The following MAST4 variants were observed in gnomAD, a reference collection of about 807,000 sequenced individuals.
MAST4 encodes the protein microtubule associated serine/threonine kinase family member 4.
In MAST4, 89 loss-of-function variants were observed where a neutral mutation model predicts 162.7. The ratio of observed to expected loss-of-function variants is 0.55; its 90% CI spans 0.46 to 0.65. MAST4 has a LOEUF of 0.65. Among genes scored for constraint, MAST4 ranks in the 30% least tolerant of loss-of-function variants. The pLI is 0.00. For missense variants in MAST4, 3,153 were observed against 3,374.0 expected (o/e 0.93, Z 1.62); for synonymous variants, 1,479 against 1,361.1 (o/e 1.09, Z -1.91).
At chr5:66,909,881 GTTC>G (rs1472345307) in intron 4 of MAST4, among the ~76,000 whole-genome samples, 4 of 152,184 alleles carry the variant, frequency 2.6e-5, no homozygotes, top group Non-Finnish European at 5.9e-5. Flanking sequence ...ATAAATGGGA[GTTC>G]TTCTGCACAA....
rs879876968 is a variant in MAST4, at chr5:66,907,602, G to A, written c.674+7620G>A. Among the ~76,000 whole-genome samples, 759 of 147,700 alleles carry A rather than the reference G, an allele frequency of 5.1e-3. 5 individuals carry two copies. Among genetic ancestry groups the A allele is most frequent in the Middle Eastern group, 0.014 (4 of 288 alleles). On this transcript the variant is annotated intron_variant, in intron 4 of 28. Transcript: ENST00000403625. ...TAGGTTGATGCGTGTGTGTGTGTGT[G>A]TGTGTGTGTGTGTGTGTGTGTGTGT... is the stretch of plus-strand genomic sequence containing the variant.
At chr5:67,097,292 G>T (rs1764574198) in intron 7 of MAST4, among the ~76,000 whole-genome samples, 1 of 152,182 alleles carries the variant, frequency 6.6e-6, no homozygotes, top group East Asian at 1.9e-4. Flanking sequence ...TATATGCCAG[G>T]TGCTTGTCTA....
chr5:66,855,793 C>T (rs1251062125), intron 3 of MAST4, among the ~76,000 whole-genome samples: 1 of 152,192 alleles, frequency 6.6e-6, no homozygotes, highest in African/African-American at 2.4e-5. Flanking sequence ...GACTTTGTTT[C>T]ACTTCTGGGC....
In MAST4 at chr5:67,166,736, C is replaced by T; in HGVS notation, c.7557C>T (p.Asp2519=). 6.3e-7 allele frequency: 1 copy of T among 1,590,404 alleles called. No individual in the cohort carries two copies. The highest frequency in any genetic ancestry group is 8.6e-7 in the Non-Finnish European group (1 of 1,168,792). ...GCCGAACCCACATGACAAAGAGTGA[C>T]TCCCTGCCCTCCTTCCGGGTCTCCA... The part of the protein sequence containing the change: ...GEGRTHMTKS[D]SLPSFRVSTL... The change falls in exon 29 of 29, where the codon GAC becomes GAT. Residue 2519 remains aspartate (D), a synonymous_variant. Transcript: ENST00000403625.
chr5:66,960,536 A>G (rs912476225), intron 4 of MAST4, among the ~76,000 whole-genome samples: 1 of 151,170 alleles, frequency 6.6e-6, no homozygotes, highest in Admixed American at 6.6e-5. Flanking sequence ...AGTGGCATGC[A>G]CTCATTCTTC....
At chr5:66,737,543 G>A (rs565666658) in intron 1 of MAST4, among the ~76,000 whole-genome samples, 3 of 152,310 alleles carry the variant, frequency 2.0e-5, no homozygotes, top group African/African-American at 7.2e-5. Context: ...CCGCGCCTGG[G>A]CAGCTGAGAG....
chr5:66,793,155 G>C (rs947585612), intron 3 of MAST4, among the ~76,000 whole-genome samples: 2 of 152,196 alleles, frequency 1.3e-5, no homozygotes, highest in African/African-American at 2.4e-5. Flanking sequence ...TTAATTCCTA[G>C]CCTGAAGTAT....
intron 1 of MAST4, among the ~76,000 whole-genome samples, chr5:66,636,920 C>A (rs1745159230): frequency 6.6e-6 from 1 of 152,110 alleles, no homozygotes; most frequent in Non-Finnish European, 1.5e-5. Context: ...AAGGTAAATA[C>A]TTTATTAAAG....
At position 66,987,455 on chromosome 5, in the gene MAST4, CT is replaced by C. The variant is rs534150768; in HGVS notation, c.675-66939del. On this transcript the variant is annotated intron_variant, in intron 4 of 28. Transcript: ENST00000403625. The stretch of plus-strand genomic sequence containing the variant: ...CCCTTTTTTTTGTAATTTTTTTCTA[CT>C]TTTTTTTTTAGGTGCTCTGCAGGTT... Among the ~76,000 whole-genome samples, 83 of 147,558 alleles carry C rather than the reference CT, an allele frequency of 5.6e-4. No individual in the cohort carries two copies. In the South Asian group the frequency reaches 8.2e-3, roughly 15 times the overall value.
intron 4 of MAST4, among the ~76,000 whole-genome samples, chr5:66,985,821 AT>A (rs1365564624): frequency 6.6e-6 from 1 of 152,186 alleles, no homozygotes; most frequent in Non-Finnish European, 1.5e-5. Context: ...ATGGCAATGT[AT>A]TTAGCATAGT....
rs574145869 is a variant in MAST4, at chr5:67,004,234, C to T, written c.675-50170C>T. 3.9e-5 allele frequency among the ~76,000 whole-genome samples: 6 copies of T among 152,188 alleles called. No homozygotes were observed. The South Asian group carries it at 1.0e-3, about 26-fold the overall frequency. On this transcript the variant is annotated intron_variant, in intron 4 of 28. Transcript: ENST00000403625. ...GCCGCCTGCTCCCTTTCCCGTGAGC[C>T]CCCGCTCCTCAGGCGCGGCCGGGGC...
At position 66,885,752 on chromosome 5, in the gene MAST4, A is replaced by C. The variant is rs6869567; in HGVS notation, c.643-14199A>C. Among the ~76,000 whole-genome samples the C allele has an allele frequency of 7.6e-3, 1,152 of 152,274 alleles. 19 individuals carry two copies. The highest frequency in any genetic ancestry group is 0.026 in the African/African-American group (1,092 of 41,542). On this transcript the variant is annotated intron_variant, in intron 3 of 28. Coordinates refer to ENST00000403625, the MANE Select transcript of MAST4 (RefSeq NM_001164664.2). ...TTGAAGTAGGCTTAGATAATATTTA[A>C]ATTTATTACTAGTTTTCATCTGTCC...
At chr5:66,856,225 G>C (rs1437005985) in intron 3 of MAST4, among the ~76,000 whole-genome samples, 4 of 152,198 alleles carry the variant, frequency 2.6e-5, no homozygotes, top group Non-Finnish European at 4.4e-5. Context: ...AGCTTGCACT[G>C]AGTCCCCACT....
At chr5:67,069,287 G>GATATATATATATATATATAT (rs6149054) in intron 5 of MAST4, among the ~76,000 whole-genome samples, 1,155 of 107,358 alleles carry the variant, frequency 0.011, 53 homozygotes, top group African/African-American at 0.039. Context: ...GAGGAGATTG[G>GATATATATATATATATATAT]ATATATATAT....
intron 2 of MAST4, among the ~76,000 whole-genome samples, chr5:66,779,393 C>CTTTTT (rs57118930): frequency 3.4e-5 from 4 of 116,710 alleles, no homozygotes; most frequent in African/African-American, 6.5e-5. Flanking sequence ...ACACATAGCA[C>CTTTTT]TTTTTTTTTT....
intron 5 of MAST4, among the ~76,000 whole-genome samples, chr5:67,081,656 G>A (rs1240571447): frequency 6.6e-6 from 1 of 152,134 alleles, no homozygotes; most frequent in Non-Finnish European, 1.5e-5. Flanking sequence ...TCACCACTAT[G>A]TAATATATCT....
chr5:67,027,559 A>G (rs1312918324), intron 4 of MAST4, among the ~76,000 whole-genome samples: 1 of 152,196 alleles, frequency 6.6e-6, no homozygotes, highest in Non-Finnish European at 1.5e-5. Flanking sequence ...GCTTCCTTCT[A>G]GTTTTCTTCT....
chr5:66,810,164 G>A (rs1756407099), intron 3 of MAST4, among the ~76,000 whole-genome samples: 2 of 152,182 alleles, frequency 1.3e-5, no homozygotes, highest in South Asian at 4.1e-4. Context: ...GGTGTAAGGG[G>A]ATTCGTAGTT....
intron 4 of MAST4, among the ~76,000 whole-genome samples, chr5:67,034,269 A>G (rs1359844608): frequency 6.6e-6 from 1 of 152,176 alleles, no homozygotes; most frequent in Non-Finnish European, 1.5e-5. Context: ...GACATAATTG[A>G]AATGCTCTTT....
Sources: allele counts gnomAD v4.1 joint callset (sites outside exome capture counted in the v4.1 genomes callset), GRCh38; gene constraint gnomAD v4.1.1; transcripts MANE v1.5; gene names NCBI Gene and HGNC (gene_info 2026-07-23, HGNC 2026-07-21).